Variants in FOLR2 observed in about 807,000 individuals in gnomAD.
The protein encoded by FOLR2 is folate receptor beta.
FOLR2 carries 14 observed loss-of-function variants against 20.4 expected under a neutral mutation model. The ratio of observed to expected loss-of-function variants is 0.68; its 90% confidence interval spans 0.45 to 1.07. The LOEUF is 1.07. Ranked by LOEUF, FOLR2 falls within the 50% of genes least tolerant of loss-of-function variation. The pLI is 0.00. For synonymous variants in FOLR2, 114 were observed against 114.3 expected (o/e 1.00, Z 0.02); for missense variants, 269 against 322.6 (o/e 0.83, Z 1.27).
At chr11:72,219,632 T>TA (rs1948450288) in intron 2 of FOLR2, among the ~76,000 whole-genome samples, 1 of 152,154 alleles carries the variant, frequency 6.6e-6, no homozygotes, top group Non-Finnish European at 1.5e-5. Context: ...ATTGGTGACT[T>TA]AAACACTATA....
Position 72,221,760 on chromosome 11 carries a change from T to C in FOLR2, c.766T>C (p.Ter256ArgextTer13). 1 of 1,612,676 alleles carries C rather than the reference T, an allele frequency of 6.2e-7. No individual in the cohort carries two copies. Among genetic ancestry groups the C allele is most frequent in the South Asian group, 1.1e-5 (1 of 91,012 alleles). Residue 256 changes from the stop codon to arginine (R), a stop_lost, in exon 5 of 5, where the codon TGA (stop) becomes CGA (arginine). Transcript: ENST00000298223. ...GATGCTGCAACTCTGGCTCCTTGGC[T>C]GAGTTCAGTCCTCCCAGACTACCTG... ...ALMLQLWLLG[*>R]
chr11:72,220,799 G>T, intron 2 of FOLR2, 71 bp from the exon 3 acceptor site: 1 of 1,588,172 alleles, frequency 6.3e-7, no homozygotes, highest in Non-Finnish European at 8.6e-7. Context: ...GAACCAAATG[G>T]GGGAGAGACA....
In FOLR2 at chr11:72,221,067, T is replaced by TCGGGGGGGGCCCCCC; in HGVS notation, c.339+10_339+11insGGGGGGGGCCCCCCC. On this transcript the variant is annotated intron_variant, in intron 3 of 4. Coordinates refer to ENST00000298223, the MANE Select transcript of FOLR2 (RefSeq NM_000803.5). ...GGCCCTGGATCCAGCAGGTAGGGTG[T>TCGGGGGGGGCCCCCC]CTCCCCCCCACCCACCCCAGCAGAC... 5.1e-6 allele frequency: 8 copies of TCGGGGGGGGCCCCCC among 1,569,980 alleles called. No homozygotes were observed. The highest frequency in any genetic ancestry group is 2.3e-5 in the East Asian group (1 of 43,336).
chr11:72,220,605 A>G, intron 2 of FOLR2, among the ~76,000 whole-genome samples: 1 of 152,240 alleles, frequency 6.6e-6, no homozygotes, highest in Non-Finnish European at 1.5e-5. Flanking sequence ...GAAGTGTTAC[A>G]TACCTCATAA....
chr11:72,217,269 C>T, intron 1 of FOLR2: 1 of 776,156 alleles, frequency 1.3e-6, no homozygotes, highest in South Asian at 1.4e-5. Flanking sequence ...AGGATCCACC[C>T]ACCTCGGCCT....
Position 72,216,822 on chromosome 11 carries a change from A to G in FOLR2, c.-128A>G, listed in dbSNP as rs1331978358. The G allele has an allele frequency of 6.8e-7, 1 of 1,463,420 alleles. No individual in the cohort carries two copies. The highest frequency in any genetic ancestry group is 1.4e-5 in the African/African-American group (1 of 72,394). 90.7% of individuals were successfully genotyped at this position (1,463,420 alleles called of 1,614,324 possible). ...GCGCGTTGTCTACCCTGTACCGAAG[A>G]CAGAGGCTGTGGGGACAGCCTAGGG... On this transcript the variant is annotated 5_prime_UTR_variant, in exon 1 of 5. Coordinates refer to ENST00000298223, the MANE Select transcript of FOLR2 (RefSeq NM_000803.5).
intron 2 of FOLR2, 123 bp from the exon 3 acceptor site, chr11:72,220,747 C>T: frequency 2.4e-6 from 3 of 1,227,268 alleles, no homozygotes; most frequent in Non-Finnish European, 3.5e-6. Context: ...CATCTGGGAA[C>T]CTGAGTGTTC....
In FOLR2 at chr11:72,216,874, G is replaced by C. The variant is rs779792411; in HGVS notation, c.-76G>C. 17 of 1,599,268 alleles carry C rather than the reference G, an allele frequency of 1.1e-5. 1 individual carries two copies. The African/African-American group carries it at 2.1e-4, about 20-fold the overall frequency. On this transcript the variant is annotated 5_prime_UTR_variant, in exon 1 of 5. Coordinates refer to ENST00000298223, the MANE Select transcript of FOLR2 (RefSeq NM_000803.5). Reference sequence around the variant, plus strand: ...CCTGGATCTATTGCCTACTTAGAGAGAGGCCAACTCAGACACAGCCGTGTA... The same window carrying C: ...CCTGGATCTATTGCCTACTTAGAGACAGGCCAACTCAGACACAGCCGTGTA...
At chr11:72,217,464 G>A (rs1948410282) in intron 1 of FOLR2, 2 of 1,061,366 alleles carry the variant, frequency 1.9e-6, no homozygotes, top group Non-Finnish European at 2.6e-6. Flanking sequence ...GAGAGGGAGA[G>A]GAAGCAGTAT....
chr11:72,218,954 C>T (rs1010030380), intron 2 of FOLR2, among the ~76,000 whole-genome samples: 1 of 152,212 alleles, frequency 6.6e-6, no homozygotes, highest in African/African-American at 2.4e-5. Context: ...AGTCGTCATT[C>T]GATGGGCACC....
Position 72,218,612 on chromosome 11 carries a change from C to T in FOLR2, c.28C>T (p.Leu10=). ...GGTCTGGAAATGGATGCCACTTCTG[C>T]TGCTTCTGGTCTGTGTAGCCACCAT... is the stretch of plus-strand genomic sequence containing the variant. The part of the protein sequence containing the change: MVWKWMPLL[L]LLVCVATMCS... The change falls in exon 2 of 5, where the codon CTG becomes TTG. Residue 10 remains leucine, a synonymous_variant. Transcript: ENST00000298223. The T allele has an allele frequency of 1.2e-6, 2 of 1,613,504 alleles. No homozygotes were observed.
chr11:72,221,477 C>T lies in FOLR2; in HGVS notation c.483C>T (p.Asn161=). Residue 161 remains asparagine, a synonymous_variant, in exon 5 of 5, where the codon AAC becomes AAT. Transcript: ENST00000298223. Reference sequence around the variant, plus strand: ...CCATGCCTCTCCCTGCAGGAGTTAACAAGTGCCCAGCTGGGGCTCTCTGCC... The same window carrying T: ...CCATGCCTCTCCCTGCAGGAGTTAATAAGTGCCCAGCTGGGGCTCTCTGCC... ...HRGWDWTSGV[N]KCPAGALCRT... 6.2e-7 allele frequency: 1 copy of T among 1,613,658 alleles called. No individual in the cohort carries two copies. The highest frequency in any genetic ancestry group is 8.5e-7 in the Non-Finnish European group (1 of 1,179,696).
In FOLR2 at chr11:72,221,855, T is replaced by C; in HGVS notation, c.*93T>C. On this transcript the variant is annotated 3_prime_UTR_variant, in exon 5 of 5. Coordinates refer to ENST00000298223, the MANE Select transcript of FOLR2 (RefSeq NM_000803.5). ...AATGACAGCCCCTTAAGCATGCTTC[T>C]ATTAGTCACCTAACCCTCTGTCACC... 8.0e-7 allele frequency: 1 copy of C among 1,244,978 alleles called. No homozygotes were observed. Among genetic ancestry groups the C allele is most frequent in the Non-Finnish European group, 1.1e-6 (1 of 893,908 alleles). The allele number at this position is 1,244,978 out of a possible 1,614,324, so 77.1% of individuals were successfully genotyped here.
Position 72,218,611 on chromosome 11 carries a change from G to C in FOLR2, c.27G>C (p.Leu9=), listed in dbSNP as rs1431853257. The change falls in exon 2 of 5, where the codon CTG becomes CTC. Residue 9 remains leucine, a synonymous_variant. Transcript: ENST00000298223. MVWKWMPL[L]LLLVCVATMC... is the part of the protein sequence containing the mutation. The stretch of plus-strand genomic sequence containing the variant: ...TGGTCTGGAAATGGATGCCACTTCT[G>C]CTGCTTCTGGTCTGTGTAGCCACCA... 1 of 1,613,486 alleles carries C rather than the reference G, an allele frequency of 6.2e-7. No individual in the cohort carries two copies. The highest frequency in any genetic ancestry group is 1.1e-5 in the South Asian group (1 of 90,954).
Position 72,221,069 on chromosome 11 carries a change from T to TCCTCCC in FOLR2, c.339+13_339+14insTCCCCC. The TCCTCCC allele has an allele frequency of 1.4e-6, 1 of 717,298 alleles. No individual in the cohort carries two copies. Among genetic ancestry groups the TCCTCCC allele is most frequent in the Non-Finnish European group, 2.2e-6 (1 of 458,084 alleles). The allele number at this position is 717,298 out of a possible 1,614,324, so 44.4% of individuals were successfully genotyped here. A position where few individuals can be genotyped will look rare whatever the true frequency, so the allele number is the denominator to read the frequency against. ...CCCTGGATCCAGCAGGTAGGGTGTC[T>TCCTCCC]CCCCCCCACCCACCCCAGCAGACTG... On this transcript the variant is annotated intron_variant, in intron 3 of 4. Transcript: ENST00000298223.
chr11:72,219,149 C>T (rs1435009684), intron 2 of FOLR2, among the ~76,000 whole-genome samples: 3 of 152,152 alleles, frequency 2.0e-5, no homozygotes, highest in Non-Finnish European at 4.4e-5. Context: ...GGGTTAGGCT[C>T]CTCCTTTGGT....
In FOLR2 at chr11:72,220,942, C is replaced by A; in HGVS notation, c.223C>A (p.Leu75Met). The change falls in exon 3 of 5, where the codon CTG (leucine) becomes ATG (methionine). Residue 75 changes from leucine to methionine, a missense_variant. Transcript: ENST00000298223. ...SQELHKDTSR[L>M]YNFNWDHCGK... is the part of the protein sequence containing the mutation. ...GGAGCTGCACAAGGACACCTCCCGC[C>A]TGTACAACTTTAACTGGGACCACTG... is the stretch of plus-strand genomic sequence containing the variant. The A allele has an allele frequency of 6.2e-7, 1 of 1,614,042 alleles. No homozygotes were observed. The highest frequency in any genetic ancestry group is 8.5e-7 in the Non-Finnish European group (1 of 1,179,900).
In FOLR2 at chr11:72,221,887, G is replaced by A. The variant is rs181977056; in HGVS notation, c.*125G>A. The A allele has an allele frequency of 3.5e-6, 3 of 851,762 alleles. No individual in the cohort carries two copies. Among genetic ancestry groups the A allele is most frequent in the Admixed American group, 2.8e-5 (1 of 36,296 alleles). 52.8% of individuals were successfully genotyped at this position (851,762 alleles called of 1,614,324 possible). ...CACCTAACCCTCTGTCACCCAGTCT[G>A]TTGCTGCTCCATGGTGGGGCCAAGA... is the stretch of plus-strand genomic sequence containing the variant. On this transcript the variant is annotated 3_prime_UTR_variant, in exon 5 of 5. Coordinates refer to ENST00000298223, the MANE Select transcript of FOLR2 (RefSeq NM_000803.5).
chr11:72,218,074 G>A (rs1040447175), intron 1 of FOLR2, among the ~76,000 whole-genome samples: 2 of 152,166 alleles, frequency 1.3e-5, no homozygotes, highest in Admixed American at 1.3e-4. Context: ...TGATCCTCAT[G>A]CTGATCTGAG....
Sources: gnomAD v4.1 joint callset for allele counts (sites outside exome capture counted in the v4.1 genomes callset) on GRCh38, gnomAD v4.1.1 for gene constraint, MANE v1.5 for transcripts, NCBI Gene and HGNC (gene_info 2026-07-23, HGNC 2026-07-21) for gene names.